The following ST6GAL1 variants were observed in gnomAD, a reference collection of about 807,000 sequenced individuals.
ST6GAL1 encodes ST6 beta-galactoside alpha-2,6-sialyltransferase 1, also known as beta-galactoside alpha-2,6-sialyltransferase 1.
In ST6GAL1, 20 loss-of-function variants were observed where a neutral mutation model predicts 38.0. That is an observed-to-expected ratio of 0.53 (90% CI 0.37 to 0.77). ST6GAL1 has a LOEUF of 0.77. Among genes scored for constraint, ST6GAL1 ranks in the 30% least tolerant of loss-of-function variants. ST6GAL1 has a pLI of 0.00. For synonymous variants in ST6GAL1, 196 were observed against 188.2 expected, an observed-to-expected ratio of 1.04 and a Z score of -0.34; for missense variants, 432 against 496.4, an observed-to-expected ratio of 0.87 and a Z score of 1.23.
intron 1 of ST6GAL1, among the ~76,000 whole-genome samples, chr3:186,932,676 G>C (rs1423319699): frequency 6.6e-6 from 1 of 152,188 alleles, no homozygotes; most frequent in Non-Finnish European, 1.5e-5. Context: ...TCAGCCCCAC[G>C]GGGAAGAAAG....
At chr3:187,038,213 T>A (rs1215713333) in intron 2 of ST6GAL1, among the ~76,000 whole-genome samples, 5 of 148,908 alleles carry the variant, frequency 3.4e-5, no homozygotes, top group Admixed American at 3.3e-4. Flanking sequence ...TTTTTTTTTT[T>A]TTTTTCTTTT....
chr3:186,983,807 C>T (rs73187787), intron 2 of ST6GAL1, among the ~76,000 whole-genome samples: 9,679 of 152,082 alleles, frequency 0.064, 446 homozygotes, highest in Non-Finnish European at 0.083. Flanking sequence ...TAGGTTTACG[C>T]CCAGGAATCC....
intron 2 of ST6GAL1, among the ~76,000 whole-genome samples, chr3:187,024,283 CG>C (rs1308803420): frequency 2.0e-5 from 3 of 151,216 alleles, no homozygotes; most frequent in Admixed American, 6.6e-5. Context: ...TTAGTAGAGA[CG>C]GGGGTTTCAC....
chr3:186,995,886 A>G (rs1716388037), intron 2 of ST6GAL1, among the ~76,000 whole-genome samples: 1 of 152,180 alleles, frequency 6.6e-6, no homozygotes. Context: ...TTAATCAATA[A>G]CTTCCCACGG....
chr3:187,042,767 G>C lies in ST6GAL1; in HGVS notation c.64G>C (p.Val22Leu). The C allele has an allele frequency of 6.2e-7, 1 of 1,614,176 alleles. No homozygotes were observed. Residue 22 changes from valine (V) to leucine (L), a missense_variant, in exon 4 of 8, where the codon GTC (valine) becomes CTC (leucine). By Grantham distance (32) the Val-to-Leu change is conservative (BLOSUM62 1). Transcript: ENST00000169298. ...CGTCCTGGTCTTTCTTCTGTTTGCA[G>C]TCATCTGTGTGTGGAAGGAAAAGAA... ...CCVLVFLLFA[V>L]ICVWKEKKKG...
intron 1 of ST6GAL1, among the ~76,000 whole-genome samples, chr3:186,958,691 C>T (rs1220772898): frequency 1.3e-5 from 2 of 152,228 alleles, no homozygotes; most frequent in East Asian, 3.9e-4. Context: ...GTGGCTCATG[C>T]CTGTAATCCC....
At chr3:186,930,868 C>T (rs1038075313) in intron 1 of ST6GAL1, 34 bp downstream of exon 1, 1 of 152,706 alleles carries the variant, frequency 6.5e-6, no homozygotes, top group African/African-American at 2.4e-5. Flanking sequence ...GCGGCGCGGC[C>T]CGGGCTATCC....
At chr3:186,942,971 G>A (rs1714231216) in intron 1 of ST6GAL1, among the ~76,000 whole-genome samples, 1 of 152,168 alleles carries the variant, frequency 6.6e-6, no homozygotes, top group African/African-American at 2.4e-5. Flanking sequence ...CCAAAGTGCT[G>A]GGATCACAGG....
In ST6GAL1 at chr3:186,952,744, T is replaced by G. The variant is rs1560139966; in HGVS notation, c.-324-11041T>G. Among the ~76,000 whole-genome samples, 1 of 152,100 alleles carries G rather than the reference T, an allele frequency of 6.6e-6. No individual in the cohort carries two copies. The highest frequency in any genetic ancestry group is 1.5e-5 in the Non-Finnish European group (1 of 68,022). ...TTTCCTGACAACCCTCAATTTATAT[T>G]TCCAACCCACACCTTTCCCCTGAGT... On this transcript the variant is annotated intron_variant, in intron 1 of 7. Coordinates refer to ENST00000169298, the MANE Select transcript of ST6GAL1 (RefSeq NM_173216.2). The surrounding 1 kb of genome is among the most constrained non-coding windows in gnomAD (Gnocchi z 4.1).
At chr3:187,052,830 G>A (rs570550159) in intron 5 of ST6GAL1, among the ~76,000 whole-genome samples, 9 of 152,210 alleles carry the variant, frequency 5.9e-5, no homozygotes, top group Non-Finnish European at 1.0e-4. Context: ...GGATGGCTGA[G>A]TCAAATGGTA....
intron 2 of ST6GAL1, among the ~76,000 whole-genome samples, chr3:187,034,502 C>G (rs1020902078): frequency 6.6e-6 from 1 of 152,168 alleles, no homozygotes; most frequent in South Asian, 2.1e-4. Context: ...TGCAAAAATC[C>G]TCAACAAAAC....
intron 5 of ST6GAL1, among the ~76,000 whole-genome samples, chr3:187,052,568 A>G (rs1018415142): frequency 1.3e-5 from 2 of 151,968 alleles, no homozygotes; most frequent in Non-Finnish European, 2.9e-5. Context: ...TGTCCTTGTG[A>G]TAGTTTGCTC....
chr3:187,065,452 A>G (rs775876097), intron 5 of ST6GAL1, among the ~76,000 whole-genome samples: 2 of 152,264 alleles, frequency 1.3e-5, no homozygotes, highest in Non-Finnish European at 2.9e-5. Context: ...GTTTCAGGCC[A>G]GCAGACCTAG....
intron 2 of ST6GAL1, chr3:187,025,484 A>G (rs1161205092): frequency 6.6e-6 from 1 of 152,250 alleles, no homozygotes; most frequent in Non-Finnish European, 1.5e-5. Context: ...CCTCTGCTTA[A>G]TGCTGATTTA....
intron 2 of ST6GAL1, among the ~76,000 whole-genome samples, chr3:186,984,147 C>T (rs1715784692): frequency 6.6e-6 from 1 of 152,150 alleles, no homozygotes; most frequent in Non-Finnish European, 1.5e-5. Flanking sequence ...TCTTCTCTCT[C>T]TCACACTCAC....
At chr3:186,938,808 C>T (rs989941039) in intron 1 of ST6GAL1, among the ~76,000 whole-genome samples, 3 of 152,188 alleles carry the variant, frequency 2.0e-5, no homozygotes, top group Non-Finnish European at 4.4e-5. Context: ...GATCCGTAAC[C>T]CCATGGTCAA....
chr3:186,992,055 G>A (rs951472586), intron 2 of ST6GAL1, among the ~76,000 whole-genome samples: 5 of 152,158 alleles, frequency 3.3e-5, no homozygotes, highest in Non-Finnish European at 7.3e-5. Flanking sequence ...GCTGTGGTAC[G>A]TGAAAACAGT....
In ST6GAL1 at chr3:186,931,829, G is replaced by A. The variant is rs576923817; in HGVS notation, c.-325+995G>A. On this transcript the variant is annotated intron_variant, in intron 1 of 7. Coordinates refer to ENST00000169298, the MANE Select transcript of ST6GAL1 (RefSeq NM_173216.2). The stretch of plus-strand genomic sequence containing the variant: ...AGGCCAGCCGAGACCTCGTATTCTA[G>A]CTGGGGACGTACAATTTTCAGTTCT... Among the ~76,000 whole-genome samples, 5 of 152,350 alleles carry A rather than the reference G, an allele frequency of 3.3e-5. No homozygotes were observed. In the South Asian group the frequency reaches 8.3e-4, roughly 25 times the overall value.
At chr3:187,024,345 G>A (rs1399621496) in intron 2 of ST6GAL1, among the ~76,000 whole-genome samples, 1 of 151,022 alleles carries the variant, frequency 6.6e-6, no homozygotes, top group African/African-American at 2.4e-5. Context: ...TGCCCGCCTC[G>A]GCCTCCCAAA....
Sources: gnomAD v4.1 joint callset for allele counts (sites outside exome capture counted in the v4.1 genomes callset) on GRCh38, gnomAD v4.1.1 for gene constraint, Gnocchi (gnomAD v3.1) non-coding constraint, MANE v1.5 for transcripts, NCBI Gene and HGNC (gene_info 2026-07-23, HGNC 2026-07-21) for gene names.